Variants in ANKS6 observed in about 807,000 individuals in gnomAD.
ANKS6 encodes the protein ankyrin repeat and SAM domain-containing protein 6.
A neutral mutation model predicts 77.9 loss-of-function variants in ANKS6; 47 were observed. The ratio of observed to expected loss-of-function variants is 0.60; its 90% CI spans 0.48 to 0.77. The LOEUF (loss-of-function observed/expected upper bound fraction) is 0.77. ANKS6 is among the 30% of genes least tolerant of loss of function. The pLI is 0.00. For synonymous variants in ANKS6, 488 were observed against 501.7 expected, an observed-to-expected ratio of 0.97 and a Z score of 0.37; for missense variants, 1,150 against 1,159.1, an observed-to-expected ratio of 0.99 and a Z score of 0.11.
rs747401868 is a variant in ANKS6, at chr9:98,782,577, G to T, written c.1113-4C>A. 2 of 1,610,536 alleles carry T rather than the reference G, an allele frequency of 1.2e-6. No homozygotes were observed. Among genetic ancestry groups the T allele is most frequent in the Non-Finnish European group, 1.7e-6 (2 of 1,178,068 alleles). On this transcript the variant is annotated splice_region_variant and splice_polypyrimidine_tract_variant and intron_variant, in intron 4 of 14. Transcript: ENST00000353234. ...ATATTTCACAATTTCCTTATTCCTG[G>T]GAAAAAATGCTAGAGTTACATTCAC...
Position 98,770,972 on chromosome 9 carries a change from G to GT in ANKS6, c.1895dup (p.Asn632LysfsTer24). The GT allele has an allele frequency of 6.2e-7, 1 of 1,600,078 alleles. No homozygotes were observed. The highest frequency in any genetic ancestry group is 1.1e-5 in the South Asian group (1 of 88,320). On this transcript the variant is annotated frameshift_variant, in exon 10 of 15. Coordinates refer to ENST00000353234, the MANE Select transcript of ANKS6 (RefSeq NM_173551.5). LOFTEE classifies it high-confidence loss of function. ...AGCCGCCCGATGAATGAGGCGAGTG[G>GT]TTGAAGTTTCCAGAATTGGCAGAAG...
chr9:98,793,110 C>A (rs149109866), intron 1 of ANKS6, among the ~76,000 whole-genome samples: 4 of 152,308 alleles, frequency 2.6e-5, no homozygotes, highest in Non-Finnish European at 5.9e-5. Context: ...CCTCTCAAAG[C>A]ACTGGGCTGA....
At chr9:98,780,387 A>C (rs920751358) in intron 5 of ANKS6, 50 bp from the exon 6 acceptor site, 1 of 1,525,384 alleles carries the variant, frequency 6.6e-7, no homozygotes, top group Non-Finnish European at 8.8e-7. Context: ...CTGTTGGGCC[A>C]TAAGGAGAAG....
In ANKS6 at chr9:98,732,874, C is replaced by T. The variant is rs139521418; in HGVS notation, c.*3645G>A. 1.4e-4 allele frequency: 164 copies of T among 1,149,768 alleles called. No homozygotes were observed. The highest frequency in any genetic ancestry group is 2.2e-4 in the Admixed American group (5 of 22,300). The allele number at this position is 1,149,768 out of a possible 1,614,324, so 71.2% of individuals were successfully genotyped here. On this transcript the variant is annotated 3_prime_UTR_variant, in exon 15 of 15. Transcript: ENST00000353234. The stretch of plus-strand genomic sequence containing the variant: ...CACCCAACTGACCCTTCCTCCCTGA[C>T]GATCTAGAACTTACACATTACGTGC...
intron 8 of ANKS6, 90 bp from the exon 9 acceptor site, chr9:98,774,170 C>A: frequency 8.4e-7 from 1 of 1,187,850 alleles, no homozygotes. Flanking sequence ...CTTCTTGGGG[C>A]ATGGCACCAC....
Position 98,734,656 on chromosome 9 carries a change from T to C in ANKS6, c.*1863A>G, listed in dbSNP as rs1831390490. On this transcript the variant is annotated 3_prime_UTR_variant, in exon 15 of 15. Transcript: ENST00000353234. The stretch of plus-strand genomic sequence containing the variant: ...ATCTGCTCCTTCTGGGCTGTTTAAC[T>C]GGCAAGCTGCTTCCCTCTCCTAAGC... The C allele has an allele frequency of 1.1e-6, 1 of 944,786 alleles. No individual in the cohort carries two copies. Among genetic ancestry groups the C allele is most frequent in the South Asian group, 4.9e-5 (1 of 20,422 alleles). 58.5% of individuals were successfully genotyped at this position (944,786 alleles called of 1,614,324 possible).
chr9:98,762,501 T>G (rs1253136466), intron 11 of ANKS6, among the ~76,000 whole-genome samples: 1 of 152,216 alleles, frequency 6.6e-6, no homozygotes, highest in East Asian at 1.9e-4. Flanking sequence ...GTTCCCAGTC[T>G]TAGGAGGAAA....
chr9:98,758,522 G>T (rs1832836922), intron 11 of ANKS6, among the ~76,000 whole-genome samples: 1 of 152,070 alleles, frequency 6.6e-6, no homozygotes, highest in South Asian at 2.1e-4. Context: ...CTGGTACTGG[G>T]ATGTCACTGC....
At chr9:98,771,828 G>C (rs1402367709) in intron 9 of ANKS6, among the ~76,000 whole-genome samples, 1 of 152,020 alleles carries the variant, frequency 6.6e-6, no homozygotes, top group Non-Finnish European at 1.5e-5. Context: ...GTGTAGGGCA[G>C]GCTCCTCAAC....
chr9:98,778,464 G>T, intron 6 of ANKS6, 40 bp from the exon 7 acceptor site: 1 of 1,600,712 alleles, frequency 6.2e-7, no homozygotes, highest in East Asian at 2.2e-5. Context: ...GCTCCAGGAA[G>T]GGCAAGGAGA....
chr9:98,744,380 A>C (rs1473169195), intron 14 of ANKS6, among the ~76,000 whole-genome samples: 3 of 152,170 alleles, frequency 2.0e-5, no homozygotes, highest in Non-Finnish European at 4.4e-5. Context: ...AGAGGCCAGG[A>C]GGCCTCGGTT....
chr9:98,791,778 C>A lies in ANKS6; in HGVS notation c.360-1172G>T, dbSNP rs1281028926. ...AGACCTCCCTCCTCCTGGCGGCTGG[C>A]GGCCAGGCCAGGGCTGAACTCTGTC... On this transcript the variant is annotated intron_variant, in intron 1 of 14. Transcript: ENST00000353234. This position sits in a 1 kb window ranked among gnomAD's most constrained non-coding sequence, Gnocchi z 4.3. 2.0e-5 allele frequency among the ~76,000 whole-genome samples: 3 copies of A among 152,082 alleles called. No individual in the cohort carries two copies. The highest frequency in any genetic ancestry group is 4.4e-5 in the Non-Finnish European group (3 of 68,000).
intron 10 of ANKS6, 95 bp from the exon 11 acceptor site, chr9:98,768,345 A>T: frequency 6.8e-7 from 1 of 1,467,666 alleles, no homozygotes; most frequent in East Asian, 2.3e-5. Flanking sequence ...GGTTGGAGCC[A>T]GTCTCCCAGA....
At chr9:98,756,074 G>C (rs1281005691) in intron 12 of ANKS6, among the ~76,000 whole-genome samples, 1 of 152,150 alleles carries the variant, frequency 6.6e-6, no homozygotes, top group East Asian at 1.9e-4. Context: ...CCTTGAACCA[G>C]TGTGAGTGGA....
chr9:98,781,765 T>C (rs1330290926), intron 5 of ANKS6, among the ~76,000 whole-genome samples: 2 of 152,062 alleles, frequency 1.3e-5, no homozygotes, highest in East Asian at 3.9e-4. Context: ...GTGAAAGTCT[T>C]CTCTCCCCAC....
chr9:98,792,584 GTAC>G (rs1027640815), intron 1 of ANKS6, among the ~76,000 whole-genome samples: 24 of 152,322 alleles, frequency 1.6e-4, no homozygotes, highest in Admixed American at 1.4e-3. Context: ...CTCCACTGTA[GTAC>G]ATTTCTAAAA....
At chr9:98,742,200 C>G (rs776506272) in intron 14 of ANKS6, among the ~76,000 whole-genome samples, 1 of 152,114 alleles carries the variant, frequency 6.6e-6, no homozygotes, top group Non-Finnish European at 1.5e-5. Context: ...GCCAAGCTTG[C>G]GTTGCAAAAG....
At chr9:98,755,048 G>T (rs1210595505) in intron 12 of ANKS6, among the ~76,000 whole-genome samples, 2 of 152,138 alleles carry the variant, frequency 1.3e-5, no homozygotes. Flanking sequence ...GGGGAGGAAT[G>T]AGTTTGCTGG....
Position 98,736,471 on chromosome 9 carries a change from G to A in ANKS6, c.*48C>T. On this transcript the variant is annotated 3_prime_UTR_variant, in exon 15 of 15. Coordinates refer to ENST00000353234, the MANE Select transcript of ANKS6 (RefSeq NM_173551.5). Reference sequence around the variant, plus strand: ...GGGCTGGGGCTGTGGCCACGTGAAGGGGTCCCGGGATTCAGAGAGCTCACG... The same window carrying A: ...GGGCTGGGGCTGTGGCCACGTGAAGAGGTCCCGGGATTCAGAGAGCTCACG... The A allele has an allele frequency of 1.9e-6, 3 of 1,550,708 alleles. No individual in the cohort carries two copies. The highest frequency in any genetic ancestry group is 2.6e-6 in the Non-Finnish European group (3 of 1,146,364).
Sources: allele counts gnomAD v4.1 joint callset (sites outside exome capture counted in the v4.1 genomes callset), GRCh38; gene constraint gnomAD v4.1.1; non-coding constraint Gnocchi (gnomAD v3.1); transcripts MANE v1.5; gene names NCBI Gene and HGNC (gene_info 2026-07-23, HGNC 2026-07-21).